The following CTNNA1 variants were observed in gnomAD, a reference collection of about 807,000 sequenced individuals.
The protein encoded by CTNNA1 is catenin alpha-1.
In CTNNA1, 37 loss-of-function variants were observed where a neutral mutation model predicts 98.4. The observed-to-expected ratio is 0.38, with a 90% CI of 0.29 to 0.49. The LOEUF (loss-of-function observed/expected upper bound fraction) is 0.49, where lower values mean the gene tolerates loss of function less well. Ranked by LOEUF, CTNNA1 falls within the 20% of genes least tolerant of loss-of-function variation. The pLI is 0.95. For missense variants in CTNNA1, 761 were observed against 1,147.2 expected (o/e 0.66, Z 4.86); for synonymous variants, 404 against 413.2 (o/e 0.98, Z 0.27).
rs1760840640 is a variant in CTNNA1 at position 138,827,503 on chromosome 5, C to CT, written c.859-9dup. 2 of 1,613,880 alleles carry CT rather than the reference C, an allele frequency of 1.2e-6. No homozygotes were observed. Among genetic ancestry groups the CT allele is most frequent in the African/African-American group, 2.7e-5 (2 of 75,052 alleles). On this transcript the variant is annotated splice_polypyrimidine_tract_variant and intron_variant, in intron 6 of 17. Coordinates refer to ENST00000302763, the MANE Select transcript of CTNNA1 (RefSeq NM_001903.5). ...AGATGAGTACTAACATTCGGTAATA[C>CT]TTTCTCTGCAGAAACAAATCATTGT...
intron 3 of CTNNA1, among the ~76,000 whole-genome samples, chr5:138,803,545 GTCT>G (rs1280109214): frequency 6.6e-6 from 1 of 152,132 alleles, no homozygotes; most frequent in Admixed American, 6.5e-5. Context: ...AAAGCCACTT[GTCT>G]TCTTCGTTGT....
chr5:138,874,631 C>G lies in CTNNA1; in HGVS notation c.1063-11581C>G, dbSNP rs1751096666. 1 of 887,252 alleles carries G rather than the reference C, an allele frequency of 1.1e-6. No individual in the cohort carries two copies. Among genetic ancestry groups the G allele is most frequent in the South Asian group, 1.8e-5 (1 of 54,534 alleles). 55.0% of individuals were successfully genotyped at this position (887,252 alleles called of 1,614,324 possible). ...GAACATATGGGCTATTTAAAAAAAA[C>G]AACCACCACCAACATTATAGCAAAA... On this transcript the variant is annotated intron_variant, in intron 7 of 17. Coordinates refer to ENST00000302763, the MANE Select transcript of CTNNA1 (RefSeq NM_001903.5). This position sits in a 1 kb window ranked among gnomAD's most constrained non-coding sequence, Gnocchi z 4.1.
intron 7 of CTNNA1, among the ~76,000 whole-genome samples, chr5:138,835,854 G>A (rs1273209326): frequency 6.6e-6 from 1 of 152,022 alleles, no homozygotes; most frequent in African/African-American, 2.4e-5. Context: ...TAGAGCTCTA[G>A]ATTTTTTATT....
intron 17 of CTNNA1, 21 bp from the exon 18 acceptor site, chr5:138,933,781 C>A (rs372718816): frequency 5.6e-6 from 9 of 1,608,010 alleles, no homozygotes; most frequent in Non-Finnish European, 7.6e-6. Flanking sequence ...GTGCTTCTTA[C>A]CACCCCTGTC....
intron 3 of CTNNA1, among the ~76,000 whole-genome samples, chr5:138,806,302 T>C (rs1405739459): frequency 6.6e-6 from 1 of 152,172 alleles, no homozygotes; most frequent in Non-Finnish European, 1.5e-5. Flanking sequence ...TTGTTTCTTT[T>C]ATTGCAGAAT....
At chr5:138,906,054 G>A (rs544812949) in intron 10 of CTNNA1, among the ~76,000 whole-genome samples, 110 of 151,532 alleles carry the variant, frequency 7.3e-4, no homozygotes, top group Middle Eastern at 3.4e-3. Flanking sequence ...GACATTCAAG[G>A]TAGGCAACCA....
rs755265206 is a variant in CTNNA1 at position 138,873,608 on chromosome 5, C to T, written c.1063-12604C>T. 1.5e-5 allele frequency: 24 copies of T among 1,613,888 alleles called. No homozygotes were observed. The Admixed American group carries it at 2.7e-4, about 18-fold the overall frequency. On this transcript the variant is annotated intron_variant, in intron 7 of 17. Coordinates refer to ENST00000302763, the MANE Select transcript of CTNNA1 (RefSeq NM_001903.5). This position sits in a 1 kb window ranked among gnomAD's most constrained non-coding sequence, Gnocchi z 6.1. ...CAGCCAGGAGGCCAGAGCACATATT[C>T]GGGCGCTGCATTCCCACAGATTGCC...
chr5:138,895,366 G>A (rs984992441), intron 9 of CTNNA1, among the ~76,000 whole-genome samples: 9 of 152,212 alleles, frequency 5.9e-5, no homozygotes, highest in East Asian at 1.9e-4. Context: ...ACAAAAGAGC[G>A]TTGTAATGCA....
Position 138,934,686 on chromosome 5 carries a change from C to CATTA in CTNNA1, c.*600_*603dup, listed in dbSNP as rs916494891. 8 of 152,832 alleles carry CATTA rather than the reference C, an allele frequency of 5.2e-5. No individual in the cohort carries two copies. The highest frequency in any genetic ancestry group is 4.6e-4 in the Admixed American group (7 of 15,302). 9.5% of individuals were successfully genotyped at this position (152,832 alleles called of 1,614,324 possible). ...ATTACTAATGTACGCTGCTGCAGGACATTAATAAAGTTGCTTTTTTAGGCT... is the reference window on the plus strand; with the variant it reads ...ATTACTAATGTACGCTGCTGCAGGACATTAATTAATAAAGTTGCTTTTTTAGGCT... On this transcript the variant is annotated 3_prime_UTR_variant, in exon 18 of 18. Transcript: ENST00000302763.
intron 3 of CTNNA1, among the ~76,000 whole-genome samples, chr5:138,800,734 C>T (rs957507543): frequency 3.9e-5 from 6 of 152,044 alleles, no homozygotes; most frequent in Admixed American, 6.5e-5. Context: ...ACCTGGGAGA[C>T]GGAGGTTGCA....
Position 138,873,407 on chromosome 5 carries a change from ATTC to A in CTNNA1, c.1063-12802_1063-12800del. 1.2e-6 allele frequency: 2 copies of A among 1,614,014 alleles called. No individual in the cohort carries two copies. On this transcript the variant is annotated intron_variant, in intron 7 of 17. Transcript: ENST00000302763. This position sits in a 1 kb window ranked among gnomAD's most constrained non-coding sequence, Gnocchi z 6.1. ...TCCCACATGGTAACTTGATGAGCTT[ATTC>A]TTTTTGTATATTCAGTGGTTGGATC...
At chr5:138,837,513 T>C (rs1360150449) in intron 7 of CTNNA1, among the ~76,000 whole-genome samples, 4 of 83,230 alleles carry the variant, frequency 4.8e-5, no homozygotes, top group Non-Finnish European at 8.7e-5. Flanking sequence ...CTCCCCCTCC[T>C]CCCTCCCCTC....
intron 6 of CTNNA1, among the ~76,000 whole-genome samples, chr5:138,825,231 A>G (rs903183309): frequency 2.0e-5 from 3 of 152,178 alleles, no homozygotes; most frequent in Non-Finnish European, 4.4e-5. Flanking sequence ...CCATCATTCT[A>G]ATCTTTCTTG....
intron 1 of CTNNA1, among the ~76,000 whole-genome samples, chr5:138,768,459 C>G (rs748413904): frequency 2.6e-5 from 4 of 151,836 alleles, no homozygotes; most frequent in African/African-American, 9.7e-5. Context: ...TAGGGTTTCA[C>G]CATGTTGGCC....
chr5:138,852,928 A>G (rs1003816398), intron 7 of CTNNA1, among the ~76,000 whole-genome samples: 3 of 151,210 alleles, frequency 2.0e-5, no homozygotes, highest in African/African-American at 7.3e-5. Flanking sequence ...ATTGTTCACA[A>G]ATGTTCACAA....
chr5:138,917,669 C>T (rs1354317144), intron 10 of CTNNA1, 73 bp from the exon 11 acceptor site: 1 of 1,488,400 alleles, frequency 6.7e-7, no homozygotes, highest in Non-Finnish European at 9.2e-7. Flanking sequence ...GTGATGTCTC[C>T]TAGTGAAATG....
chr5:138,827,811 C>T (rs1032127154), intron 7 of CTNNA1, 93 bp downstream of exon 7: 1 of 1,462,198 alleles, frequency 6.8e-7, no homozygotes, highest in Non-Finnish European at 9.3e-7. Context: ...CTATAAATAC[C>T]AAATATGTCC....
At chr5:138,755,622 G>C (rs759330940) in intron 1 of CTNNA1, among the ~76,000 whole-genome samples, 4 of 152,106 alleles carry the variant, frequency 2.6e-5, no homozygotes, top group Non-Finnish European at 5.9e-5. Flanking sequence ...TCACTGCTCT[G>C]TGCAGTCTCT....
At chr5:138,812,112 C>G (rs1351628086) in intron 4 of CTNNA1, 71 bp from the exon 5 acceptor site, 1 of 1,420,818 alleles carries the variant, frequency 7.0e-7, no homozygotes, top group African/African-American at 1.4e-5. Flanking sequence ...AATGAAAATT[C>G]CTAGGATGCC....
Sources: allele counts gnomAD v4.1 joint callset (sites outside exome capture counted in the v4.1 genomes callset), GRCh38; gene constraint gnomAD v4.1.1; non-coding constraint Gnocchi (gnomAD v3.1); transcripts MANE v1.5; gene names NCBI Gene and HGNC (gene_info 2026-07-23, HGNC 2026-07-21).